Variants in ARF4 observed in about 807,000 individuals in gnomAD.
ARF4 encodes ARF GTPase 4.
A neutral mutation model predicts 24.3 loss-of-function variants in ARF4; 5 were observed. The observed-to-expected ratio is 0.21, with a 90% CI of 0.11 to 0.43. The LOEUF (loss-of-function observed/expected upper bound fraction) is 0.43, where lower values mean the gene tolerates loss of function less well. Among genes scored for constraint, ARF4 ranks in the 20% least tolerant of loss-of-function variants. ARF4 has a pLI of 1.00. For synonymous variants in ARF4, 62 were observed against 73.5 expected (o/e 0.84, Z 0.80); for missense variants, 107 against 213.0 (o/e 0.50, Z 3.10).
At chr3:57,595,802 T>G (rs1309340651) in intron 1 of ARF4, among the ~76,000 whole-genome samples, 2 of 151,814 alleles carry the variant, frequency 1.3e-5, no homozygotes, top group African/African-American at 4.8e-5. Flanking sequence ...ATACAAAAAA[T>G]TAGCCAGGCG....
chr3:57,595,564 C>T (rs2070170835), intron 1 of ARF4, among the ~76,000 whole-genome samples: 1 of 152,202 alleles, frequency 6.6e-6, no homozygotes, highest in African/African-American at 2.4e-5. Context: ...GGAAAATAAA[C>T]ATGAGCCAAT....
intron 3 of ARF4, among the ~76,000 whole-genome samples, chr3:57,579,594 T>C (rs887104519): frequency 1.3e-5 from 2 of 152,140 alleles, no homozygotes; most frequent in African/African-American, 4.8e-5. Flanking sequence ...AGCCCCATCC[T>C]ACATCATTTT....
At chr3:57,590,705 G>A (rs2070102710) in intron 1 of ARF4, among the ~76,000 whole-genome samples, 1 of 151,962 alleles carries the variant, frequency 6.6e-6, no homozygotes, top group African/African-American at 2.4e-5. Flanking sequence ...TTGAGACAGG[G>A]TCTCGATCTG....
At chr3:57,581,539 G>T (rs886103777) in intron 3 of ARF4, among the ~76,000 whole-genome samples, 1 of 152,208 alleles carries the variant, frequency 6.6e-6, no homozygotes, top group Non-Finnish European at 1.5e-5. Flanking sequence ...AGTAGCTCAT[G>T]CCTGTAATCC....
At chr3:57,577,650 A>C (rs572300540) in intron 3 of ARF4, among the ~76,000 whole-genome samples, 6 of 152,242 alleles carry the variant, frequency 3.9e-5, no homozygotes, top group African/African-American at 1.4e-4. Context: ...AATTGTATCT[A>C]TTTTTCCCCT....
chr3:57,580,967 G>A (rs1431865799), intron 3 of ARF4, among the ~76,000 whole-genome samples: 1 of 152,078 alleles, frequency 6.6e-6, no homozygotes, highest in African/African-American at 2.4e-5. Context: ...TATTGAGAAG[G>A]AGAATTATTT....
Position 57,583,878 on chromosome 3 carries a change from A to C in ARF4, c.258+20T>G. 1 of 1,512,062 alleles carries C rather than the reference A, an allele frequency of 6.6e-7. No homozygotes were observed. Among genetic ancestry groups the C allele is most frequent in the East Asian group, 2.3e-5 (1 of 44,342 alleles). 93.7% of individuals were successfully genotyped at this position (1,512,062 alleles called of 1,614,324 possible). A position where few individuals can be genotyped will look rare whatever the true frequency, so the allele number is the denominator to read the frequency against. On this transcript the variant is annotated intron_variant, in intron 3 of 5. Transcript: ENST00000303436. ...TGAAACCCACAAAGAAAAGTTATAA[A>C]AACATACAGTATCCCTTACCTGGGT...
intron 1 of ARF4, among the ~76,000 whole-genome samples, chr3:57,592,358 G>A (rs543503890): frequency 1.3e-5 from 2 of 152,006 alleles, no homozygotes; most frequent in Non-Finnish European, 2.9e-5. Flanking sequence ...ATGGTGGGAG[G>A]GGGCCTGTAA....
In ARF4 at chr3:57,572,038, T is replaced by C. The variant is rs546488516; in HGVS notation, c.*174A>G. 2.2e-4 allele frequency: 116 copies of C among 532,302 alleles called. No individual in the cohort carries two copies. Among genetic ancestry groups the C allele is most frequent in the Non-Finnish European group, 3.5e-4 (104 of 298,702 alleles). 33.0% of individuals were successfully genotyped at this position (532,302 alleles called of 1,614,324 possible). A position where few individuals can be genotyped will look rare whatever the true frequency, so the allele number is the denominator to read the frequency against. On this transcript the variant is annotated 3_prime_UTR_variant, in exon 6 of 6. Coordinates refer to ENST00000303436, the MANE Select transcript of ARF4 (RefSeq NM_001660.4). ...GAGAATTTCTTTAAAACCAAGCACA[T>C]TGCTAAATAGCAACATTATACTCGG...
intron 3 of ARF4, among the ~76,000 whole-genome samples, chr3:57,577,905 A>C (rs139090284): frequency 0.01 from 1,574 of 152,010 alleles, 18 homozygotes; most frequent in African/African-American, 0.036. Flanking sequence ...AAATACAAAA[A>C]TTAGCCAGGT....
At chr3:57,594,917 C>T (rs1057485761) in intron 1 of ARF4, among the ~76,000 whole-genome samples, 11 of 152,170 alleles carry the variant, frequency 7.2e-5, no homozygotes, top group African/African-American at 2.2e-4. Context: ...CTCCCTCGTA[C>T]GTTGATACTT....
intron 1 of ARF4, among the ~76,000 whole-genome samples, chr3:57,593,784 C>G (rs2070142497): frequency 6.6e-6 from 1 of 152,162 alleles, no homozygotes; most frequent in African/African-American, 2.4e-5. Flanking sequence ...CCCTGTAACC[C>G]TAGCACTTTT....
At chr3:57,580,799 G>C (rs1341917795) in intron 3 of ARF4, among the ~76,000 whole-genome samples, 1 of 144,900 alleles carries the variant, frequency 6.9e-6, no homozygotes, top group Non-Finnish European at 1.5e-5. Flanking sequence ...TAAATGTAAA[G>C]ACAGGGTCTC....
chr3:57,573,577 T>C (rs2069865593), intron 5 of ARF4, among the ~76,000 whole-genome samples: 2 of 152,182 alleles, frequency 1.3e-5, no homozygotes, highest in African/African-American at 2.4e-5. Flanking sequence ...TGCTTATTTA[T>C]TGATTGATCG....
Position 57,586,634 on chromosome 3 carries a change from T to TC in ARF4, c.68-2171dup, listed in dbSNP as rs1298304235. 2.0e-5 allele frequency among the ~76,000 whole-genome samples: 3 copies of TC among 152,302 alleles called. No homozygotes were observed. The East Asian group carries it at 5.8e-4, about 29-fold the overall frequency. ...AGTGTGATCAGCCCACATCAAGCCC[T>TC]CATTCATGAGCATAATAATAAAAAC... is the stretch of plus-strand genomic sequence containing the variant. On this transcript the variant is annotated intron_variant, in intron 1 of 5. Transcript: ENST00000303436.
intron 1 of ARF4, 114 bp downstream of exon 1, chr3:57,596,960 C>T: frequency 1.7e-6 from 2 of 1,181,568 alleles, no homozygotes; most frequent in Non-Finnish European, 2.4e-6. Flanking sequence ...ACCCCCGACC[C>T]GGCGCCCCTC....
At chr3:57,576,792 C>A (rs1405805845) in intron 4 of ARF4, among the ~76,000 whole-genome samples, 1 of 152,122 alleles carries the variant, frequency 6.6e-6, no homozygotes, top group African/African-American at 2.4e-5. Flanking sequence ...CAAAATGCCA[C>A]TGTGAACCAA....
Position 57,572,255 on chromosome 3 carries a change from T to C in ARF4, c.500A>G (p.Tyr167Cys). The C allele has an allele frequency of 6.2e-7, 1 of 1,614,178 alleles. No homozygotes were observed. Among genetic ancestry groups the C allele is most frequent in the South Asian group, 1.1e-5 (1 of 91,082 alleles). Residue 167 changes from tyrosine to cysteine, a missense_variant, in exon 6 of 6, where the codon TAT (tyrosine) becomes TGT (cysteine). Transcript: ENST00000303436. The stretch of plus-strand genomic sequence containing the variant: ...ATTTGACAGCCAGTCAAGTCCTTCA[T>C]ACAGACCAGTTCCTTGTGTTGCACA... ...ATCATQGTGL[Y>C]EGLDWLSNEL...
In ARF4 at chr3:57,574,648, C is replaced by G. The variant is rs1315253414; in HGVS notation, c.456+900G>C. Among the ~76,000 whole-genome samples, 5 of 152,046 alleles carry G rather than the reference C, an allele frequency of 3.3e-5. 1 individual carries two copies. Among genetic ancestry groups the G allele is most frequent in the Admixed American group, 2.0e-4 (3 of 15,274 alleles). On this transcript the variant is annotated intron_variant, in intron 5 of 5. Coordinates refer to ENST00000303436, the MANE Select transcript of ARF4 (RefSeq NM_001660.4). ...TTTGGAACTCCTGGCCTCAAGCAAT[C>G]CTCCTGCCTTGGGTTCCCAAAGTAT... is the stretch of plus-strand genomic sequence containing the variant.
Sources: allele counts gnomAD v4.1 joint callset (sites outside exome capture counted in the v4.1 genomes callset), GRCh38; gene constraint gnomAD v4.1.1; transcripts MANE v1.5; gene names NCBI Gene and HGNC (gene_info 2026-07-23, HGNC 2026-07-21).